The following SPOCK3 variants were observed in gnomAD, a reference collection of about 807,000 sequenced individuals.
SPOCK3 encodes the protein testican-3.
In SPOCK3, 30 loss-of-function variants were observed where a neutral mutation model predicts 56.6. The ratio of observed to expected loss-of-function variants is 0.53; its 90% confidence interval spans 0.40 to 0.72. SPOCK3 has a LOEUF of 0.72. SPOCK3 is among the 30% of genes least tolerant of loss of function. SPOCK3 has a pLI of 0.00. For missense variants in SPOCK3, 527 were observed against 530.0 expected, an observed-to-expected ratio of 0.99 and a Z score of 0.06; for synonymous variants, 196 against 183.3, an observed-to-expected ratio of 1.07 and a Z score of -0.56.
rs76320160 is a variant in SPOCK3 at position 166,833,250 on chromosome 4, G to GT, written c.590-40962dup. ...CATGATTTCAATTCTGTTGATGTTTGTTTAATGATCCAGATATGGGTTACT... is the reference window on the plus strand; with the variant it reads ...CATGATTTCAATTCTGTTGATGTTTGTTTTAATGATCCAGATATGGGTTACT... On this transcript the variant is annotated intron_variant, in intron 6 of 10. Coordinates refer to ENST00000357545, the MANE Select transcript of SPOCK3 (RefSeq NM_001040159.2). Among the ~76,000 whole-genome samples the GT allele has an allele frequency of 2.7e-3, 409 of 152,202 alleles. 10 individuals are homozygous for GT. The East Asian group carries it at 0.062, about 23-fold the overall frequency.
rs1421301666 is a variant in SPOCK3, at chr4:167,191,018, T to A, written c.189+42967A>T. Among the ~76,000 whole-genome samples, 3 of 145,980 alleles carry A rather than the reference T, an allele frequency of 2.1e-5. 1 individual carries two copies. The highest frequency in any genetic ancestry group is 7.8e-5 in the African/African-American group (3 of 38,346). ...TGCCAGAACATACTGTTTCGATTAC[T>A]ATAGCTTTGCTTTGTAGTATATTTT... On this transcript the variant is annotated intron_variant, in intron 2 of 10. Transcript: ENST00000357545.
At chr4:166,754,324 G>A (rs2126490733) in intron 8 of SPOCK3, 184 bp downstream of exon 8, 1 of 1,338,710 alleles carries the variant, frequency 7.5e-7, no homozygotes, top group Non-Finnish European at 9.6e-7. Context: ...TATTTAGCAT[G>A]TGTTGTATCT....
intron 10 of SPOCK3, 144 bp downstream of exon 10, chr4:166,737,320 GTTT>G (rs566715928): frequency 1.3e-6 from 1 of 777,624 alleles, no homozygotes; most frequent in African/African-American, 1.8e-5. Context: ...CTAGGAGTAA[GTTT>G]TTTTTGTCAC....
chr4:167,142,363 A>T (rs1180380863), intron 2 of SPOCK3, among the ~76,000 whole-genome samples: 1 of 152,020 alleles, frequency 6.6e-6, no homozygotes, highest in African/African-American at 2.4e-5. Context: ...CAGGCATGCC[A>T]TCATCATGCT....
At chr4:167,223,718 G>C (rs1425360112) in intron 2 of SPOCK3, among the ~76,000 whole-genome samples, 1 of 152,056 alleles carries the variant, frequency 6.6e-6, no homozygotes, top group Admixed American at 6.6e-5. Context: ...AGGAGGCCAA[G>C]GTAGGAAGAT....
At chr4:166,832,813 A>G (rs1320935845) in intron 6 of SPOCK3, among the ~76,000 whole-genome samples, 1 of 152,190 alleles carries the variant, frequency 6.6e-6, no homozygotes, top group Non-Finnish European at 1.5e-5. Context: ...AGAAAACCAA[A>G]TAGTGCATAT....
At chr4:166,924,760 C>T (rs748533479) in intron 4 of SPOCK3, among the ~76,000 whole-genome samples, 3 of 152,158 alleles carry the variant, frequency 2.0e-5, no homozygotes, top group Non-Finnish European at 2.9e-5. Context: ...TTAAATTAAA[C>T]CGACCTGGAA....
chr4:167,125,030 A>T (rs569130950), intron 2 of SPOCK3, among the ~76,000 whole-genome samples: 11 of 152,098 alleles, frequency 7.2e-5, no homozygotes, highest in African/African-American at 2.6e-4. Flanking sequence ...TTTTCTTGTC[A>T]TGCTATCTTA....
chr4:167,135,868 C>T (rs1017291012), intron 2 of SPOCK3, among the ~76,000 whole-genome samples: 1 of 152,030 alleles, frequency 6.6e-6, no homozygotes, highest in Admixed American at 6.6e-5. Context: ...CATTCCACTT[C>T]CGATTTGATC....
chr4:166,774,221 A>G (rs963514695), intron 7 of SPOCK3, among the ~76,000 whole-genome samples: 2 of 152,050 alleles, frequency 1.3e-5, no homozygotes, highest in African/African-American at 2.4e-5. Flanking sequence ...CATCTTTTTT[A>G]TGACCACCTC....
At chr4:166,880,864 A>T (rs554219234) in intron 6 of SPOCK3, among the ~76,000 whole-genome samples, 1 of 152,266 alleles carries the variant, frequency 6.6e-6, no homozygotes, top group East Asian at 1.9e-4. Context: ...ATCCGGTTTA[A>T]CCTTTATATA....
At chr4:167,025,545 G>T (rs963087963) in intron 3 of SPOCK3, among the ~76,000 whole-genome samples, 5 of 151,864 alleles carry the variant, frequency 3.3e-5, no homozygotes, top group African/African-American at 1.2e-4. Flanking sequence ...TCATCCAGGG[G>T]TTTCTCCTCC....
At chr4:166,792,623 G>A (rs763388608) in intron 6 of SPOCK3, among the ~76,000 whole-genome samples, 19 of 152,050 alleles carry the variant, frequency 1.2e-4, no homozygotes, top group Non-Finnish European at 2.5e-4. Context: ...TAGGTTATCA[G>A]AGAAAATAAA....
At chr4:166,936,355 T>G (rs1740405420) in intron 4 of SPOCK3, among the ~76,000 whole-genome samples, 1 of 152,142 alleles carries the variant, frequency 6.6e-6, no homozygotes, top group Non-Finnish European at 1.5e-5. Flanking sequence ...ATTAGAAGTA[T>G]GTATACAATA....
At chr4:166,900,164 G>T (rs1560988192) in intron 5 of SPOCK3, among the ~76,000 whole-genome samples, 1 of 152,142 alleles carries the variant, frequency 6.6e-6, no homozygotes, top group Non-Finnish European at 1.5e-5. Flanking sequence ...GTCTCTGACA[G>T]CATCACTGTA....
intron 3 of SPOCK3, among the ~76,000 whole-genome samples, chr4:167,013,176 T>G (rs1750258516): frequency 6.6e-6 from 1 of 152,000 alleles, no homozygotes; most frequent in African/African-American, 2.4e-5. Context: ...AATAAATAAA[T>G]ACCAAAATAC....
intron 2 of SPOCK3, among the ~76,000 whole-genome samples, chr4:167,154,661 T>C (rs552420224): frequency 4.6e-5 from 7 of 152,268 alleles, no homozygotes; most frequent in African/African-American, 1.4e-4. Flanking sequence ...TGCCTATGAT[T>C]ACTTGGGATT....
chr4:166,798,748 AGCTCTGGGTG>A (rs1742237134), intron 6 of SPOCK3, among the ~76,000 whole-genome samples: 1 of 152,196 alleles, frequency 6.6e-6, no homozygotes, highest in Admixed American at 6.5e-5. Flanking sequence ...ATTTACTGCT[AGCTCTGGGTG>A]GTTTAAACAA....
intron 6 of SPOCK3, among the ~76,000 whole-genome samples, chr4:166,847,370 G>A (rs904038588): frequency 1.3e-5 from 2 of 151,668 alleles, no homozygotes; most frequent in African/African-American, 4.8e-5. Context: ...ATAAATTAAA[G>A]GTTTCTGAGG....
Sources: allele counts gnomAD v4.1 joint callset (sites outside exome capture counted in the v4.1 genomes callset), GRCh38; gene constraint gnomAD v4.1.1; transcripts MANE v1.5; gene names NCBI Gene and HGNC (gene_info 2026-07-23, HGNC 2026-07-21).